Variants in ADAMTS9 observed in about 807,000 individuals in gnomAD.
The protein encoded by ADAMTS9 is ADAM metallopeptidase with thrombospondin type 1 motif 9.
A neutral mutation model predicts 257.1 loss-of-function variants in ADAMTS9; 107 were observed. The observed-to-expected ratio is 0.42, with a 90% CI of 0.36 to 0.49. The LOEUF (loss-of-function observed/expected upper bound fraction) is 0.49, where lower values mean the gene tolerates loss of function less well. Ranked by LOEUF, ADAMTS9 falls within the 20% of genes least tolerant of loss-of-function variation. The pLI is 0.03. For synonymous variants in ADAMTS9, 982 were observed against 880.9 expected, an observed-to-expected ratio of 1.11 and a Z score of -2.03; for missense variants, 2,353 against 2,469.1, an observed-to-expected ratio of 0.95 and a Z score of 1.00.
intron 12 of ADAMTS9, among the ~76,000 whole-genome samples, chr3:64,639,829 C>T (rs965045147): frequency 1.4e-4 from 21 of 152,070 alleles, no homozygotes; most frequent in African/African-American, 5.1e-4. Flanking sequence ...AAAGCAGTAC[C>T]AGCCTTCTTT....
chr3:64,558,755 T>C (rs1398090909), intron 30 of ADAMTS9, among the ~76,000 whole-genome samples: 1 of 152,014 alleles, frequency 6.6e-6, no homozygotes, highest in East Asian at 1.9e-4. Context: ...AAAGGCAAAG[T>C]GCATACTCAA....
chr3:64,565,473 C>T (rs1188743553), intron 29 of ADAMTS9: 1 of 152,196 alleles, frequency 6.6e-6, no homozygotes, highest in African/African-American at 2.4e-5. Flanking sequence ...CCCATCCTGA[C>T]CACAAAGGTG....
intron 39 of ADAMTS9, 70 bp from the exon 40 acceptor site, chr3:64,517,191 T>C (rs780662874): frequency 2.0e-5 from 3 of 152,586 alleles, no homozygotes; most frequent in Admixed American, 1.3e-4. Context: ...AGGCAACTGA[T>C]AAATTTTTAC....
intron 30 of ADAMTS9, among the ~76,000 whole-genome samples, chr3:64,555,311 TAGG>T (rs1292234876): frequency 3.3e-5 from 5 of 152,180 alleles, no homozygotes; most frequent in East Asian, 1.9e-4. Context: ...ATATATTTGT[TAGG>T]AGGTGCGGTG....
intron 3 of ADAMTS9, among the ~76,000 whole-genome samples, chr3:64,671,736 C>T (rs1472342066): frequency 6.6e-6 from 1 of 152,184 alleles, no homozygotes; most frequent in Admixed American, 6.5e-5. Context: ...CACATCAGAT[C>T]TTGCATTTAC....
At chr3:64,567,363 G>T (rs2083570395) in intron 29 of ADAMTS9, among the ~76,000 whole-genome samples, 2 of 152,202 alleles carry the variant, frequency 1.3e-5, no homozygotes, top group South Asian at 4.1e-4. Flanking sequence ...CTGCATGGAA[G>T]CACCGGAAAT....
At chr3:64,566,745 G>A (rs1364486883) in intron 29 of ADAMTS9, among the ~76,000 whole-genome samples, 2 of 151,780 alleles carry the variant, frequency 1.3e-5, no homozygotes, top group Non-Finnish European at 2.9e-5. Flanking sequence ...ATAAGTAGAG[G>A]CCAAGGAACA....
chr3:64,546,704 G>A, intron 32 of ADAMTS9, 54 bp downstream of exon 32: 2 of 1,518,010 alleles, frequency 1.3e-6, no homozygotes, highest in Non-Finnish European at 8.9e-7. Flanking sequence ...ACATGTTTAA[G>A]ACGGGGTTGA....
At chr3:64,630,482 T>C (rs1397307858) in intron 16 of ADAMTS9, among the ~76,000 whole-genome samples, 5 of 152,048 alleles carry the variant, frequency 3.3e-5, no homozygotes, top group Non-Finnish European at 7.4e-5. Context: ...CAGGCTGAGG[T>C]GGGAGGATCA....
chr3:64,627,000 C>T (rs918653993), intron 16 of ADAMTS9, among the ~76,000 whole-genome samples: 5 of 152,180 alleles, frequency 3.3e-5, no homozygotes, highest in African/African-American at 1.2e-4. Flanking sequence ...TAATGCGGGT[C>T]ATTCAAATGG....
chr3:64,613,090 C>G (rs1467175257), intron 22 of ADAMTS9, among the ~76,000 whole-genome samples: 2 of 152,132 alleles, frequency 1.3e-5, no homozygotes, highest in Non-Finnish European at 2.9e-5. Context: ...AAACACTCGT[C>G]TGCTCAAGCT....
chr3:64,574,699 C>A (rs2083789465), intron 28 of ADAMTS9, among the ~76,000 whole-genome samples: 1 of 150,434 alleles, frequency 6.6e-6, no homozygotes, highest in South Asian at 2.1e-4. Context: ...CTACTGCACT[C>A]CAGCCTGGTT....
At position 64,616,190 on chromosome 3, in the gene ADAMTS9, C is replaced by CA; in HGVS notation, c.2814-21dup. On this transcript the variant is annotated intron_variant, in intron 19 of 39. Transcript: ENST00000498707. ...TGCCACCTATGCAAAAATAATGGGG[C>CA]AAAACCAACATTTCTGTTAAAAATA... The CA allele has an allele frequency of 6.2e-7, 1 of 1,611,870 alleles. No homozygotes were observed. Among genetic ancestry groups the CA allele is most frequent in the Non-Finnish European group, 8.5e-7 (1 of 1,178,048 alleles).
At chr3:64,653,179 T>C (rs999898302) in intron 8 of ADAMTS9, among the ~76,000 whole-genome samples, 2 of 152,174 alleles carry the variant, frequency 1.3e-5, no homozygotes, top group African/African-American at 4.8e-5. Context: ...CACAGAGAGC[T>C]TTAATTACTT....
intron 22 of ADAMTS9, among the ~76,000 whole-genome samples, chr3:64,609,440 G>C (rs1189777184): frequency 6.6e-6 from 1 of 151,630 alleles, no homozygotes; most frequent in East Asian, 1.9e-4. Context: ...AACATTGAAG[G>C]ATACAAGATA....
intron 29 of ADAMTS9, among the ~76,000 whole-genome samples, chr3:64,566,988 T>A (rs116251641): frequency 7.6e-4 from 116 of 152,286 alleles, no homozygotes; most frequent in African/African-American, 2.7e-3. Context: ...GAACCAGCTC[T>A]GGCTGGGTAT....
intron 16 of ADAMTS9, 119 bp downstream of exon 16, chr3:64,631,336 T>C: frequency 1.3e-6 from 1 of 788,076 alleles, no homozygotes; most frequent in Non-Finnish European, 2.1e-6. Context: ...GCCACTTATT[T>C]TATGAAAATC....
chr3:64,613,201 T>C, intron 22 of ADAMTS9, 144 bp downstream of exon 22: 1 of 930,336 alleles, frequency 1.1e-6, no homozygotes, highest in Non-Finnish European at 1.6e-6. Flanking sequence ...CAGAGTTACA[T>C]GTGCTTGATC....
chr3:64,531,423 T>C (rs2082979578), intron 38 of ADAMTS9, among the ~76,000 whole-genome samples: 1 of 151,614 alleles, frequency 6.6e-6, no homozygotes, highest in South Asian at 2.1e-4. Context: ...CTATGTCCCA[T>C]GTAGTGATAA....
Sources: allele counts gnomAD v4.1 joint callset (sites outside exome capture counted in the v4.1 genomes callset), GRCh38; gene constraint gnomAD v4.1.1; transcripts MANE v1.5; gene names NCBI Gene and HGNC (gene_info 2026-07-23, HGNC 2026-07-21).